TBC1D20: variants seen among roughly 807,000 people sequenced by gnomAD.
The protein encoded by TBC1D20 is chromosome 20 open reading frame 140.
In TBC1D20, 12 loss-of-function variants were observed where a neutral mutation model predicts 41.6. The observed-to-expected ratio is 0.29, with a 90% confidence interval of 0.18 to 0.47. The LOEUF is 0.47. Ranked by LOEUF, TBC1D20 falls within the 20% of genes least tolerant of loss-of-function variation. TBC1D20 has a pLI of 1.00. For missense variants in TBC1D20, 421 were observed against 517.4 expected (o/e 0.81, Z 1.81); for synonymous variants, 205 against 204.8 (o/e 1.00, Z -0.01).
intron 3 of TBC1D20, among the ~76,000 whole-genome samples, chr20:444,440 G>T (rs1245194972): frequency 1.3e-5 from 2 of 152,194 alleles, no homozygotes; most frequent in Admixed American, 1.3e-4. Context: ...AGAAAAATAG[G>T]TCATCCATGT....
At chr20:453,209 A>G (rs1413891007) in intron 1 of TBC1D20, among the ~76,000 whole-genome samples, 1 of 143,124 alleles carries the variant, frequency 7.0e-6, no homozygotes, top group East Asian at 2.2e-4. Context: ...GCAGTGGCTC[A>G]CGCCTGTAAT....
intron 2 of TBC1D20, among the ~76,000 whole-genome samples, chr20:446,088 C>T (rs1206973404): frequency 1.3e-5 from 2 of 152,272 alleles, no homozygotes; most frequent in Non-Finnish European, 2.9e-5. Context: ...AATCATAGCA[C>T]AACTAATATT....
intron 1 of TBC1D20, among the ~76,000 whole-genome samples, chr20:461,983 G>A (rs1375042523): frequency 2.0e-5 from 3 of 152,206 alleles, no homozygotes; most frequent in African/African-American, 7.2e-5. Context: ...GCCTGCGGAC[G>A]TGGCGGACGC....
intron 4 of TBC1D20, 52 bp downstream of exon 4, chr20:441,805 C>G: frequency 6.2e-7 from 1 of 1,600,292 alleles, no homozygotes; most frequent in East Asian, 2.2e-5. Context: ...GAGTTATCCC[C>G]AGGACGGCTG....
At chr20:448,378 TTAG>T (rs2017376978) in intron 1 of TBC1D20, among the ~76,000 whole-genome samples, 1 of 152,138 alleles carries the variant, frequency 6.6e-6, no homozygotes, top group Non-Finnish European at 1.5e-5. Flanking sequence ...GAAATAATTA[TTAG>T]TTGTTGTTGT....
At chr20:452,704 T>C (rs2122414141) in intron 1 of TBC1D20, among the ~76,000 whole-genome samples, 1 of 152,336 alleles carries the variant, frequency 6.6e-6, no homozygotes, top group African/African-American at 2.4e-5. Context: ...CCAGAGTTCA[T>C]GTGAAGTGGA....
At chr20:450,212 G>A (rs1386510655) in intron 1 of TBC1D20, among the ~76,000 whole-genome samples, 2 of 150,982 alleles carry the variant, frequency 1.3e-5, no homozygotes, top group African/African-American at 2.4e-5. Context: ...GTAATGGCGC[G>A]ATCTCAGCTC....
Position 441,967 on chromosome 20 carries a change from A to T in TBC1D20, c.414T>A (p.Pro138=). 6.2e-7 allele frequency: 1 copy of T among 1,613,980 alleles called. No individual in the cohort carries two copies. Among genetic ancestry groups the T allele is most frequent in the Non-Finnish European group, 8.5e-7 (1 of 1,179,986 alleles). The change falls in exon 4 of 8, where the codon CCT becomes CCA. Residue 138 remains proline (P), a synonymous_variant. Transcript: ENST00000354200. ...GGTAGCCCTGGTAGTAGTGCAGCTGAGGGTTGCGCTCCAAGATGAGGAGGA... is the reference window on the plus strand; with the variant it reads ...GGTAGCCCTGGTAGTAGTGCAGCTGTGGGTTGCGCTCCAAGATGAGGAGGA... ...DIILLILERN[P]QLHYYQGYHD... is the part of the protein sequence containing the mutation.
chr20:438,210 T>C lies in TBC1D20; in HGVS notation c.*376A>G, dbSNP rs1213230768. 9.9e-6 allele frequency: 2 copies of C among 201,156 alleles called. No homozygotes were observed. The highest frequency in any genetic ancestry group is 4.7e-5 in the African/African-American group (2 of 42,916). 12.5% of individuals were successfully genotyped at this position (201,156 alleles called of 1,614,324 possible). On this transcript the variant is annotated 3_prime_UTR_variant, in exon 8 of 8. Transcript: ENST00000354200. ...GCAGGAGCAGTAAGAGGGCATCCCATGTTCCAGTTCACCTTCTATGGGGTG... is the reference window on the plus strand; with the variant it reads ...GCAGGAGCAGTAAGAGGGCATCCCACGTTCCAGTTCACCTTCTATGGGGTG...
chr20:458,404 T>G (rs2017577848), intron 1 of TBC1D20, among the ~76,000 whole-genome samples: 1 of 151,688 alleles, frequency 6.6e-6, no homozygotes, highest in Non-Finnish European at 1.5e-5. Flanking sequence ...GCCTCAACCT[T>G]CTGGGCTCAA....
chr20:457,034 TC>T (rs2017553319), intron 1 of TBC1D20, among the ~76,000 whole-genome samples: 1 of 150,128 alleles, frequency 6.7e-6, no homozygotes, highest in African/African-American at 2.5e-5. Context: ...CCTCCCAGGT[TC>T]AAGCAATTCT....
chr20:448,943 C>T (rs796371860), intron 1 of TBC1D20, among the ~76,000 whole-genome samples: 7 of 143,682 alleles, frequency 4.9e-5, no homozygotes, highest in Non-Finnish European at 7.6e-5. Flanking sequence ...TCCCGGGTCC[C>T]GGTTCAAGCA....
In TBC1D20 at chr20:458,567, C is replaced by T. The variant is rs367646116; in HGVS notation, c.70+3769G>A. Among the ~76,000 whole-genome samples the T allele has an allele frequency of 1.1e-3, 162 of 152,236 alleles. 7 individuals are homozygous for T. In the South Asian group the frequency reaches 0.032, roughly 30 times the overall value. On this transcript the variant is annotated intron_variant, in intron 1 of 7. Coordinates refer to ENST00000354200, the MANE Select transcript of TBC1D20 (RefSeq NM_144628.4). ...GGCTCTAGTGATCCACCCACCTCGA[C>T]CTCCCAAAGTGCTGGGATTACAGGC...
intron 1 of TBC1D20, 77 bp from the exon 2 acceptor site, chr20:448,151 T>C (rs866295586): frequency 3.8e-6 from 4 of 1,044,688 alleles, no homozygotes; most frequent in Middle Eastern, 4.1e-4. Context: ...AAGCTCCTTT[T>C]TGATATGAGG....
At chr20:449,557 C>T (rs2017407434) in intron 1 of TBC1D20, among the ~76,000 whole-genome samples, 1 of 151,908 alleles carries the variant, frequency 6.6e-6, no homozygotes, top group African/African-American at 2.4e-5. Flanking sequence ...GATCGTGCCA[C>T]TGCACTCCAG....
At chr20:456,289 T>C (rs2017538133) in intron 1 of TBC1D20, among the ~76,000 whole-genome samples, 1 of 152,212 alleles carries the variant, frequency 6.6e-6, no homozygotes, top group Admixed American at 6.5e-5. Context: ...GCATAACACC[T>C]AGTCAATTGT....
At chr20:442,314 T>G (rs1359977405) in intron 3 of TBC1D20, among the ~76,000 whole-genome samples, 1 of 152,208 alleles carries the variant, frequency 6.6e-6, no homozygotes, top group Non-Finnish European at 1.5e-5. Flanking sequence ...GAATTTCAAC[T>G]ATGGGAGCCA....
At chr20:462,250 C>T (rs1247472991) in intron 1 of TBC1D20, 86 bp downstream of exon 1, 14 of 987,294 alleles carry the variant, frequency 1.4e-5, no homozygotes, top group Non-Finnish European at 1.8e-5. Context: ...CCAGCCCGCG[C>T]CCCTCCGGCG....
At chr20:445,546 G>A (rs1041562448) in intron 2 of TBC1D20, among the ~76,000 whole-genome samples, 9 of 152,038 alleles carry the variant, frequency 5.9e-5, no homozygotes, top group Non-Finnish European at 1.0e-4. Flanking sequence ...AAACCCTAAC[G>A]CCTATAAAGT....
Sources: allele counts gnomAD v4.1 joint callset (sites outside exome capture counted in the v4.1 genomes callset), GRCh38; gene constraint gnomAD v4.1.1; transcripts MANE v1.5; gene names NCBI Gene and HGNC (gene_info 2026-07-23, HGNC 2026-07-21).